The following USP24 variants were observed in gnomAD, a reference collection of about 807,000 sequenced individuals.
USP24 encodes the protein ubiquitin carboxyl-terminal hydrolase 24.
USP24 carries 97 observed loss-of-function variants against 361.6 expected under a neutral mutation model. That is an observed-to-expected ratio of 0.27 (90% CI 0.23 to 0.32). The LOEUF is 0.32. Among genes scored for constraint, USP24 ranks in the 10% least tolerant of loss-of-function variants. The pLI is 1.00. For missense variants in USP24, 2,353 were observed against 3,165.6 expected, an observed-to-expected ratio of 0.74 and a Z score of 6.16; for synonymous variants, 1,098 against 1,124.6, an observed-to-expected ratio of 0.98 and a Z score of 0.47.
At position 55,096,617 on chromosome 1, in the gene USP24, C is replaced by A; in HGVS notation, c.5942G>T (p.Cys1981Phe). ...AAATTTATACCACTTTCCTTTTCCA[C>A]ACCCTCTAGAACCCAGAGATCAGAC... is the stretch of plus-strand genomic sequence containing the variant. ...YYSFIKDRRG[C>F]GKGKWYKFND... The change falls in exon 50 of 68, where the codon TGT (cysteine) becomes TTT (phenylalanine). Residue 1981 changes from cysteine to phenylalanine, a missense_variant. This residue lies in a region of USP24 where 598 missense variants were observed against 761.9 expected (regional missense o/e 0.78). Coordinates refer to ENST00000294383, the MANE Select transcript of USP24 (RefSeq NM_015306.3). The A allele has an allele frequency of 6.2e-7, 1 of 1,610,314 alleles. No homozygotes were observed. Among genetic ancestry groups the A allele is most frequent in the African/African-American group, 1.3e-5 (1 of 74,816 alleles).
intron 56 of USP24, among the ~76,000 whole-genome samples, chr1:55,084,803 T>C (rs1645217029): frequency 6.6e-6 from 1 of 152,174 alleles, no homozygotes; most frequent in Non-Finnish European, 1.5e-5. Context: ...GGCTTCCAAG[T>C]GTATGGCCGC....
intron 32 of USP24, among the ~76,000 whole-genome samples, 182 bp downstream of exon 32, chr1:55,129,295 T>G (rs11582881): frequency 0.11 from 16,920 of 152,230 alleles, 1,143 homozygotes; most frequent in Non-Finnish European, 0.16. Context: ...TTTCAAATAA[T>G]CAGAAGTTAT....
intron 45 of USP24, among the ~76,000 whole-genome samples, chr1:55,099,507 G>C (rs1271343190): frequency 2.6e-5 from 4 of 152,100 alleles, no homozygotes; most frequent in East Asian, 3.9e-4. Context: ...GCAGTGAGCT[G>C]AGATTGTGCC....
chr1:55,197,049 A>T (rs980680347), intron 1 of USP24, among the ~76,000 whole-genome samples: 2 of 152,220 alleles, frequency 1.3e-5, no homozygotes, highest in African/African-American at 2.4e-5. Flanking sequence ...AGCTAAGTTG[A>T]ATAGCTACAA....
intron 1 of USP24, among the ~76,000 whole-genome samples, chr1:55,202,356 T>C (rs1438443574): frequency 6.6e-6 from 1 of 151,916 alleles, no homozygotes; most frequent in Non-Finnish European, 1.5e-5. Context: ...AACAGAAAAG[T>C]ATTAAATTAG....
chr1:55,097,201 C>T (rs532312993), intron 48 of USP24, 29 bp from the exon 49 acceptor site: 6 of 1,610,024 alleles, frequency 3.7e-6, no homozygotes, highest in East Asian at 2.2e-5. Context: ...ACCATATTAA[C>T]GTTGATTACT....
intron 1 of USP24, among the ~76,000 whole-genome samples, chr1:55,209,147 A>G (rs1644788308): frequency 6.6e-6 from 1 of 152,210 alleles, no homozygotes; most frequent in African/African-American, 2.4e-5. Context: ...ACTCTTTTGA[A>G]AATGAAGCAC....
At chr1:55,149,992 C>CTCAT (rs1372232988) in intron 16 of USP24, among the ~76,000 whole-genome samples, 54 of 152,206 alleles carry the variant, frequency 3.5e-4, no homozygotes, top group African/African-American at 1.2e-3. Flanking sequence ...GCATGACAGA[C>CTCAT]TCATACCCTG....
In USP24 at chr1:55,125,870, T is replaced by C. The variant is rs1570472999; in HGVS notation, c.3636-112A>G. On this transcript the variant is annotated intron_variant, in intron 32 of 67. Coordinates refer to ENST00000294383, the MANE Select transcript of USP24 (RefSeq NM_015306.3). The stretch of plus-strand genomic sequence containing the variant: ...CATCAATTACTTAGTTTCTACATGA[T>C]TCTGTCATAAAAAGAGCCTACATAT... 3 of 885,344 alleles carry C rather than the reference T, an allele frequency of 3.4e-6. No individual in the cohort carries two copies. In the East Asian group the frequency reaches 8.0e-5, roughly 24 times the overall value. The allele number at this position is 885,344 out of a possible 1,614,324, so 54.8% of individuals were successfully genotyped here. A position where few individuals can be genotyped will look rare whatever the true frequency, so the allele number is the denominator to read the frequency against.
At chr1:55,169,845 T>A (rs1354413494) in intron 5 of USP24, among the ~76,000 whole-genome samples, 1 of 152,078 alleles carries the variant, frequency 6.6e-6, no homozygotes, top group East Asian at 1.9e-4. Context: ...CTTTACCGGG[T>A]AAAAAATGAT....
chr1:55,077,299 T>C lies in USP24; in HGVS notation c.7316A>G (p.Asn2439Ser). ...ATGAGGTGGAGCCGTTTCTAGTTGGTTCTGAAATATTTTTTAAAAGCATAA... is the reference window on the plus strand; with the variant it reads ...ATGAGGTGGAGCCGTTTCTAGTTGGCTCTGAAATATTTTTTAAAAGCATAA... The part of the protein sequence containing the change: ...FSFTMLHFIK[N>S]QLETAPPHEL... The change falls in exon 62 of 68, where the codon AAC becomes AGC. Residue 2439 changes from asparagine (N) to serine (S), a missense_variant and splice_region_variant. Physicochemically the swap from Asn to Ser is conservative, Grantham distance 46. Coordinates refer to ENST00000294383, the MANE Select transcript of USP24 (RefSeq NM_015306.3). 1.9e-6 allele frequency: 3 copies of C among 1,554,396 alleles called. No homozygotes were observed. The highest frequency in any genetic ancestry group is 2.6e-6 in the Non-Finnish European group (3 of 1,146,162).
At chr1:55,094,226 C>T (rs748000237) in intron 51 of USP24, 139 bp from the exon 52 acceptor site, 7 of 795,338 alleles carry the variant, frequency 8.8e-6, no homozygotes, top group Non-Finnish European at 1.3e-5. Context: ...AACTGTACCA[C>T]ATAAATATAT....
chr1:55,125,820 T>C, intron 32 of USP24, 62 bp from the exon 33 acceptor site: 1 of 1,383,444 alleles, frequency 7.2e-7, no homozygotes, highest in Non-Finnish European at 9.9e-7. Context: ...ATTTTAAATT[T>C]TCCATAAGTA....
rs776355093 is a variant in USP24, at chr1:55,148,522, G to C, written c.1909C>G (p.Arg637Gly). 4 of 1,596,436 alleles carry C rather than the reference G, an allele frequency of 2.5e-6. No homozygotes were observed. The East Asian group carries it at 9.0e-5, about 36-fold the overall frequency. The part of the protein sequence containing the change: ...PQFVWVVPAL[R>G]QLHEITRSFI... The stretch of plus-strand genomic sequence containing the variant: ...GAGCGAGTAATTTCATGGAGCTGAC[G>C]CAAAGCTGGTACCACCCATACAAAC... Residue 637 changes from arginine (R) to glycine (G), a missense_variant, in exon 17 of 68, where the codon CGT becomes GGT. Coordinates refer to ENST00000294383, the MANE Select transcript of USP24 (RefSeq NM_015306.3).
intron 56 of USP24, chr1:55,084,498 T>C (rs1416049203): frequency 1.3e-5 from 2 of 152,270 alleles, no homozygotes; most frequent in Non-Finnish European, 2.9e-5. Context: ...ACCCCAACTG[T>C]TTTTGGACAA....
intron 1 of USP24, among the ~76,000 whole-genome samples, chr1:55,214,416 C>T (rs575752781): frequency 6.6e-6 from 1 of 151,980 alleles, no homozygotes; most frequent in Non-Finnish European, 1.5e-5. Context: ...CCCTACTGCA[C>T]GCATCCTTCC....
chr1:55,123,018 A>G (rs1225735476), intron 36 of USP24, among the ~76,000 whole-genome samples: 1 of 152,218 alleles, frequency 6.6e-6, no homozygotes, highest in East Asian at 1.9e-4. Context: ...GGGTGCTCTC[A>G]TGTTAGAGAA....
chr1:55,146,862 GACAC>G, intron 19 of USP24, 63 bp downstream of exon 19: 1 of 1,583,004 alleles, frequency 6.3e-7, no homozygotes, highest in Non-Finnish European at 8.6e-7. Flanking sequence ...GAAGATGTGA[GACAC>G]ACAGAAAAAG....
intron 3 of USP24, among the ~76,000 whole-genome samples, chr1:55,174,194 A>C (rs1649726120): frequency 6.6e-6 from 1 of 152,234 alleles, no homozygotes; most frequent in African/African-American, 2.4e-5. Flanking sequence ...TATCATTCAT[A>C]CCCTTACTTC....
Sources: gnomAD v4.1 joint callset for allele counts (sites outside exome capture counted in the v4.1 genomes callset) on GRCh38, gnomAD v4.1.1 for gene constraint, gnomAD v4.1.1 regional missense constraint, MANE v1.5 for transcripts, NCBI Gene and HGNC (gene_info 2026-07-23, HGNC 2026-07-21) for gene names.